Variants in ZNF84 observed in about 807,000 individuals in gnomAD.
The protein encoded by ZNF84 is zinc finger protein HPF2.
In ZNF84, 12 loss-of-function variants were observed where a neutral mutation model predicts 14.8. The observed-to-expected ratio is 0.81, with a 90% CI of 0.52 to 1.31. The LOEUF (loss-of-function observed/expected upper bound fraction) is 1.31. Among genes scored for constraint, ZNF84 ranks in the 50% most tolerant of loss-of-function variants. The probability of loss-of-function intolerance (pLI) is 0.00; values close to 1 mark genes in which losing one functional copy is unlikely to be tolerated. For missense variants in ZNF84, 859 were observed against 878.6 expected (o/e 0.98, Z 0.28); for synonymous variants, 347 against 291.1 (o/e 1.19, Z -1.96).
Position 133,057,072 on chromosome 12 carries a change from C to CTTTG in ZNF84, c.360_363dup (p.Pro122CysfsTer9), listed in dbSNP as rs1327699931. 6.2e-7 allele frequency: 1 copy of CTTTG among 1,613,338 alleles called. No individual in the cohort carries two copies. The highest frequency in any genetic ancestry group is 1.3e-5 in the African/African-American group (1 of 74,870). ...GAAAAAATTTCAATCTGAACATGAA[C>CTTTG]TTTGTTCCTTTAAGGAAATCAAACA... On this transcript the variant is annotated frameshift_variant, in exon 5 of 5. Coordinates refer to ENST00000539354, the MANE Select transcript of ZNF84 (RefSeq NM_001289971.2). LOFTEE classifies it low-confidence loss of function (END_TRUNC).
rs1954201987 is a variant in ZNF84, at chr12:133,058,514, A to G, written c.1799A>G (p.Glu600Gly). Reference protein sequence around the residue: ...QRIHTGEKPYECSLCRKAFFE... With the variant: ...QRIHTGEKPYGCSLCRKAFFE... ...ATTCACACTGGAGAGAAACCCTATG[A>G]ATGCAGTCTTTGTAGGAAAGCTTTT... is the stretch of plus-strand genomic sequence containing the variant. The change falls in exon 5 of 5, where the codon GAA becomes GGA. Residue 600 changes from glutamate to glycine, a missense_variant. Transcript: ENST00000539354. 1 of 1,614,102 alleles carries G rather than the reference A, an allele frequency of 6.2e-7. No individual in the cohort carries two copies.
intron 4 of ZNF84, among the ~76,000 whole-genome samples, chr12:133,056,205 T>G (rs2137412540): frequency 6.6e-6 from 1 of 152,338 alleles, no homozygotes; most frequent in South Asian, 2.1e-4. Flanking sequence ...AATATTATCT[T>G]TTCCATTACA....
rs1954012539 is a variant in ZNF84, at chr12:133,048,038, C to G, written c.99C>G (p.Tyr33Ter). ...TGGATCCCTCTCAGAAGAATTTATA[C>G]AAGGATGTGATGTTGGAGAACTATA... is the stretch of plus-strand genomic sequence containing the variant. ...QLLDPSQKNL[Y>*]KDVMLENYSS... is the part of the protein sequence containing the mutation. The change falls in exon 3 of 5, where the codon TAC becomes TAG. Residue 33 changes from tyrosine (Y) to a stop codon, truncating the protein, a stop_gained. Coordinates refer to ENST00000539354, the MANE Select transcript of ZNF84 (RefSeq NM_001289971.2). LOFTEE classifies it high-confidence loss of function. 7 of 1,613,852 alleles carry G rather than the reference C, an allele frequency of 4.3e-6. No individual in the cohort carries two copies. The highest frequency in any genetic ancestry group is 5.9e-6 in the Non-Finnish European group (7 of 1,179,946).
intron 2 of ZNF84, among the ~76,000 whole-genome samples, chr12:133,041,774 T>C (rs916750014): frequency 2.6e-5 from 4 of 152,202 alleles, no homozygotes; most frequent in Admixed American, 6.5e-5. Flanking sequence ...AATGTGAGCT[T>C]TTATATGCTT....
At chr12:133,056,028 TTAATAG>T (rs1166868695) in intron 4 of ZNF84, among the ~76,000 whole-genome samples, 1 of 152,200 alleles carries the variant, frequency 6.6e-6, no homozygotes, top group Non-Finnish European at 1.5e-5. Flanking sequence ...AGTGGCTTTC[TTAATAG>T]TAATGTGAAG....
In ZNF84 at chr12:133,056,932, A is replaced by T. The variant is rs1593712999; in HGVS notation, c.239-22A>T. 3 of 1,536,714 alleles carry T rather than the reference A, an allele frequency of 2.0e-6. No homozygotes were observed. The East Asian group carries it at 6.8e-5, about 35-fold the overall frequency. The stretch of plus-strand genomic sequence containing the variant: ...GTTTTTAGAAAGCACAACCAAACAG[A>T]TTGTTTTTGTTTCCTTTATAGAAGT... On this transcript the variant is annotated intron_variant, in intron 4 of 4. Coordinates refer to ENST00000539354, the MANE Select transcript of ZNF84 (RefSeq NM_001289971.2).
At chr12:133,050,333 C>G (rs1227150152) in intron 4 of ZNF84, among the ~76,000 whole-genome samples, 2 of 152,210 alleles carry the variant, frequency 1.3e-5, no homozygotes, top group Admixed American at 1.3e-4. Context: ...TCCCATCTCT[C>G]AGTCCGGAGG....
Position 133,048,096 on chromosome 12 carries a change from CT to C in ZNF84, c.142+17del. On this transcript the variant is annotated intron_variant, in intron 3 of 4. Transcript: ENST00000539354. ...AGTGTCACTGGGTAATAAAAGCTTT[CT>C]TGAGGACCTTGGACTATGCCCAATG... 1 of 1,611,792 alleles carries C rather than the reference CT, an allele frequency of 6.2e-7. No individual in the cohort carries two copies. Among genetic ancestry groups the C allele is most frequent in the Non-Finnish European group, 8.5e-7 (1 of 1,178,582 alleles).
chr12:133,041,428 C>A lies in ZNF84; in HGVS notation c.-40C>A. 1 of 1,612,844 alleles carries A rather than the reference C, an allele frequency of 6.2e-7. No homozygotes were observed. The highest frequency in any genetic ancestry group is 1.3e-5 in the African/African-American group (1 of 75,004). On this transcript the variant is annotated 5_prime_UTR_variant, in exon 2 of 5. Transcript: ENST00000539354. ...AAGCAGAAGAGACGCACAGTAGAAC[C>A]GATCTCAGCCTTGCTGATCATCTCG...
In ZNF84 at chr12:133,060,960, A is replaced by G. The variant is rs1954252922; in HGVS notation, c.*2028A>G. ...CTCAAGACTTCTCCTTTTATGTTCA[A>G]ATTGTTGTATCAGTATGGTATTTTG... On this transcript the variant is annotated 3_prime_UTR_variant, in exon 5 of 5. Transcript: ENST00000539354. 2.0e-5 allele frequency: 3 copies of G among 152,166 alleles called. No individual in the cohort carries two copies. Among genetic ancestry groups the G allele is most frequent in the African/African-American group, 7.2e-5 (3 of 41,440 alleles). The allele number at this position is 152,166 out of a possible 1,614,324, so 9.4% of individuals were successfully genotyped here.
At chr12:133,049,583 G>T (rs1210659368) in intron 4 of ZNF84, among the ~76,000 whole-genome samples, 1 of 151,858 alleles carries the variant, frequency 6.6e-6, no homozygotes, top group Admixed American at 6.6e-5. Flanking sequence ...AGGTTCAGGC[G>T]ATTCTCCTGC....
At position 133,058,351 on chromosome 12, in the gene ZNF84, A is replaced by G; in HGVS notation, c.1636A>G (p.Ser546Gly). 6.2e-7 allele frequency: 1 copy of G among 1,614,094 alleles called. No individual in the cohort carries two copies. The highest frequency in any genetic ancestry group is 8.5e-7 in the Non-Finnish European group (1 of 1,179,980). Residue 546 changes from serine (S) to glycine (G), a missense_variant, in exon 5 of 5, where the codon AGT becomes GGT. Ser to Gly is a moderately conservative substitution (Grantham distance 56, BLOSUM62 0). Coordinates refer to ENST00000539354, the MANE Select transcript of ZNF84 (RefSeq NM_001289971.2). ...THTGEKPYEC[S>G]ECGKAFGEKS... is the part of the protein sequence containing the mutation. ...TACAGGGGAGAAACCCTATGAATGC[A>G]GTGAATGTGGGAAGGCCTTTGGTGA...
rs1033134587 is a variant in ZNF84, at chr12:133,045,515, T to C, written c.16-2440T>C. On this transcript the variant is annotated intron_variant, in intron 2 of 4. Transcript: ENST00000539354. ...TTAAGTGGGTGTGGTGGCATGCACC[T>C]GTAGTCCCCATTTCTCAGAAAGCTG... Among the ~76,000 whole-genome samples, 8 of 150,272 alleles carry C rather than the reference T, an allele frequency of 5.3e-5. No individual in the cohort carries two copies. In the South Asian group the frequency reaches 1.0e-3, roughly 20 times the overall value.
chr12:133,041,122 A>C, intron 1 of ZNF84, 156 bp from the exon 2 acceptor site: 1 of 307,348 alleles, frequency 3.3e-6, no homozygotes, highest in Non-Finnish European at 5.9e-6. Flanking sequence ...CCACTGTTCC[A>C]TTTTACTATA....
At chr12:133,037,754 G>T (rs1953809898) in intron 1 of ZNF84, 1 of 152,336 alleles carries the variant, frequency 6.6e-6, no homozygotes, top group Non-Finnish European at 1.5e-5. Flanking sequence ...GGGCGGGCAC[G>T]GCCTTTCCGG....
intron 2 of ZNF84, among the ~76,000 whole-genome samples, chr12:133,043,965 T>C (rs1162487187): frequency 1.1e-4 from 17 of 151,060 alleles, no homozygotes; most frequent in Admixed American, 1.1e-3. Context: ...GGTTTCACCA[T>C]ATTGGTTAGG....
chr12:133,039,512 A>C (rs1953848795), intron 1 of ZNF84, among the ~76,000 whole-genome samples: 1 of 152,352 alleles, frequency 6.6e-6, no homozygotes, highest in South Asian at 2.1e-4. Context: ...CACATTTTAC[A>C]ATCACTCATT....
chr12:133,055,633 G>C (rs1194614928), intron 4 of ZNF84, among the ~76,000 whole-genome samples: 2 of 151,842 alleles, frequency 1.3e-5, no homozygotes, highest in African/African-American at 2.4e-5. Flanking sequence ...GACTAAGCAG[G>C]GTATTTTTCA....
In ZNF84 at chr12:133,057,190, A is replaced by C; in HGVS notation, c.475A>C (p.Asn159His). Residue 159 changes from asparagine to histidine, a missense_variant, in exon 5 of 5, where the codon AAT (asparagine) becomes CAT (histidine). Asn to His is a moderately conservative substitution (Grantham distance 68). Transcript: ENST00000539354. ...TGGAAAAGCAGAATCAGATGACTTTAATGTGTTTGATAATTTTTTTCTCCA... is the reference window on the plus strand; with the variant it reads ...TGGAAAAGCAGAATCAGATGACTTTCATGTGTTTGATAATTTTTTTCTCCA... Reference protein sequence around the residue: ...DYGKAESDDFNVFDNFFLHSK... With the variant: ...DYGKAESDDFHVFDNFFLHSK... 6.2e-7 allele frequency: 1 copy of C among 1,612,768 alleles called. No individual in the cohort carries two copies. The highest frequency in any genetic ancestry group is 1.3e-5 in the African/African-American group (1 of 74,916).
Sources: allele counts gnomAD v4.1 joint callset (sites outside exome capture counted in the v4.1 genomes callset), GRCh38; gene constraint gnomAD v4.1.1; transcripts MANE v1.5; gene names NCBI Gene and HGNC (gene_info 2026-07-23, HGNC 2026-07-21).